Variants in ADAM22 observed in about 807,000 individuals in gnomAD.
The protein encoded by ADAM22 is disintegrin and metalloproteinase domain-containing protein 22.
In ADAM22, 65 loss-of-function variants were observed where a neutral mutation model predicts 144.6. The ratio of observed to expected loss-of-function variants is 0.45; its 90% CI spans 0.37 to 0.55. The LOEUF is 0.55. Ranked by LOEUF, ADAM22 falls within the 20% of genes least tolerant of loss-of-function variation. The probability of loss-of-function intolerance (pLI) is 0.00; values close to 1 mark genes in which losing one functional copy is unlikely to be tolerated. For missense variants in ADAM22, 974 were observed against 1,184.9 expected (o/e 0.82, Z 2.61); for synonymous variants, 391 against 412.6 (o/e 0.95, Z 0.63).
chr7:88,075,600 G>GTCAT (rs751675025), intron 3 of ADAM22, 26 bp from the exon 4 acceptor site: 1 of 1,605,490 alleles, frequency 6.2e-7, no homozygotes, highest in Non-Finnish European at 8.5e-7. Context: ...ATCCTCTTTA[G>GTCAT]TCATCATTTA....
intron 3 of ADAM22, among the ~76,000 whole-genome samples, chr7:88,025,418 C>T (rs1306684860): frequency 2.6e-5 from 4 of 152,082 alleles, no homozygotes; most frequent in East Asian, 1.9e-4. Context: ...GTTGCCTGTG[C>T]GTGTGGGGTA....
At chr7:88,088,688 A>G (rs1369448320) in intron 4 of ADAM22, among the ~76,000 whole-genome samples, 1 of 152,106 alleles carries the variant, frequency 6.6e-6, no homozygotes, top group African/African-American at 2.4e-5. Flanking sequence ...TTCTCATGTC[A>G]CCTCTTCTAG....
intron 2 of ADAM22, among the ~76,000 whole-genome samples, chr7:87,956,374 C>G (rs1195880114): frequency 2.6e-5 from 4 of 152,154 alleles, no homozygotes; most frequent in Non-Finnish European, 5.9e-5. Context: ...GCTGTTGTGA[C>G]TTTAGCTAAC....
chr7:88,176,095 C>T (rs933515334), intron 26 of ADAM22, among the ~76,000 whole-genome samples: 8 of 152,126 alleles, frequency 5.3e-5, no homozygotes, highest in Admixed American at 1.3e-4. Flanking sequence ...GCCTCAGCCT[C>T]CTGAGTAGCT....
chr7:88,083,583 GTGTT>G (rs1374740777), intron 4 of ADAM22, among the ~76,000 whole-genome samples: 8 of 110,002 alleles, frequency 7.3e-5, no homozygotes, highest in Non-Finnish European at 1.3e-4. Flanking sequence ...TTTTTACTTT[GTGTT>G]TGTGTGTGTG....
intron 4 of ADAM22, among the ~76,000 whole-genome samples, chr7:88,083,625 GTGTGTGTGTA>G (rs1817582573): frequency 6.6e-6 from 1 of 150,608 alleles, no homozygotes; most frequent in African/African-American, 2.5e-5. Flanking sequence ...GTGTGTGTGT[GTGTGTGTGTA>G]TGTGTAGTAT....
chr7:88,019,855 A>ATG (rs1491290569), intron 3 of ADAM22, among the ~76,000 whole-genome samples: 17 of 132,458 alleles, frequency 1.3e-4, no homozygotes, highest in Admixed American at 6.1e-4. Flanking sequence ...ATCTCAAAAA[A>ATG]TATGTGTGTG....
chr7:87,998,121 G>A (rs530849818), intron 3 of ADAM22, among the ~76,000 whole-genome samples: 2 of 152,284 alleles, frequency 1.3e-5, no homozygotes, highest in East Asian at 3.9e-4. Context: ...GAGGCCGGAA[G>A]ACTTAGCCAG....
chr7:88,145,022 T>C lies in ADAM22; in HGVS notation c.1321-103T>C, dbSNP rs142999452. On this transcript the variant is annotated intron_variant, in intron 15 of 31. Transcript: ENST00000413139. The stretch of plus-strand genomic sequence containing the variant: ...AGGAAAATAAAACTATATTTTAGAA[T>C]GACTGGCAGGGCAGGTATATTTGGG... 1.4e-3 allele frequency: 1,249 copies of C among 898,468 alleles called. 14 individuals carry two copies. The African/African-American group carries it at 0.018, about 13-fold the overall frequency. 55.7% of individuals were successfully genotyped at this position (898,468 alleles called of 1,614,324 possible). A position where few individuals can be genotyped will look rare whatever the true frequency, so the allele number is the denominator to read the frequency against.
chr7:88,154,378 T>C (rs1839306853), intron 21 of ADAM22, among the ~76,000 whole-genome samples: 1 of 152,156 alleles, frequency 6.6e-6, no homozygotes, highest in Admixed American at 6.6e-5. Context: ...CCTACCTCCA[T>C]GCCTACATTT....
chr7:88,187,860 A>G (rs1395976232), intron 30 of ADAM22, among the ~76,000 whole-genome samples: 1 of 152,100 alleles, frequency 6.6e-6, no homozygotes, highest in Non-Finnish European at 1.5e-5. Flanking sequence ...ACATTTGCAT[A>G]TACCCCAAGG....
At chr7:87,953,645 C>T (rs147530713) in intron 2 of ADAM22, among the ~76,000 whole-genome samples, 1 of 151,962 alleles carries the variant, frequency 6.6e-6, no homozygotes, top group Non-Finnish European at 1.5e-5. Context: ...AGTTCTGTAG[C>T]TGTCTATTAG....
rs1850204805 is a variant in ADAM22 at position 87,970,614 on chromosome 7, A to G, written c.247-7722A>G. 2.0e-5 allele frequency among the ~76,000 whole-genome samples: 3 copies of G among 152,172 alleles called. No homozygotes were observed. The South Asian group carries it at 6.2e-4, about 31-fold the overall frequency. On this transcript the variant is annotated intron_variant, in intron 2 of 31. Coordinates refer to ENST00000413139, the MANE Select transcript of ADAM22 (RefSeq NM_001324418.2). The stretch of plus-strand genomic sequence containing the variant: ...ATTGGTTATCAGTAAGGCAGTCTTA[A>G]AAAGTTCCTTTGTGTTTGATCTCTG...
At chr7:87,978,270 G>C in intron 2 of ADAM22, 66 bp from the exon 3 acceptor site, 1 of 1,204,684 alleles carries the variant, frequency 8.3e-7, no homozygotes, top group Non-Finnish European at 1.2e-6. Context: ...ATAATCATAA[G>C]AAAGACTAAT....
chr7:87,996,130 G>C (rs1268370122), intron 3 of ADAM22, among the ~76,000 whole-genome samples: 1 of 152,180 alleles, frequency 6.6e-6, no homozygotes, highest in Non-Finnish European at 1.5e-5. Context: ...AGATCCAGTA[G>C]GAGGCACAAC....
At chr7:88,047,695 TTTGA>T (rs1244216715) in intron 3 of ADAM22, among the ~76,000 whole-genome samples, 2 of 152,198 alleles carry the variant, frequency 1.3e-5, no homozygotes, top group African/African-American at 4.8e-5. Flanking sequence ...TTGTTAACAA[TTTGA>T]TTAAGTTATA....
intron 3 of ADAM22, among the ~76,000 whole-genome samples, chr7:88,027,485 A>G (rs1799258698): frequency 6.6e-6 from 1 of 152,124 alleles, no homozygotes; most frequent in Non-Finnish European, 1.5e-5. Flanking sequence ...ATAGGAATTT[A>G]CCCATTTCTT....
At chr7:88,110,355 CT>C (rs1402619244) in intron 5 of ADAM22, among the ~76,000 whole-genome samples, 2 of 151,974 alleles carry the variant, frequency 1.3e-5, no homozygotes, top group Non-Finnish European at 1.5e-5. Context: ...TTTTTTTCCC[CT>C]TTTCTCTCTC....
intron 2 of ADAM22, among the ~76,000 whole-genome samples, chr7:87,965,355 AC>A (rs1848816830): frequency 6.6e-6 from 1 of 152,124 alleles, no homozygotes; most frequent in Non-Finnish European, 1.5e-5. Context: ...TCCTTGGAAA[AC>A]TTTTAGACGA....
Sources: allele counts gnomAD v4.1 joint callset (sites outside exome capture counted in the v4.1 genomes callset), GRCh38; gene constraint gnomAD v4.1.1; transcripts MANE v1.5; gene names NCBI Gene and HGNC (gene_info 2026-07-23, HGNC 2026-07-21).